The following DOCK4 variants were observed in gnomAD, a reference collection of about 807,000 sequenced individuals.
DOCK4 encodes the protein dedicator of cytokinesis protein 4.
In DOCK4, 97 loss-of-function variants were observed where a neutral mutation model predicts 268.1. The observed-to-expected ratio is 0.36, with a 90% CI of 0.31 to 0.43. The LOEUF (loss-of-function observed/expected upper bound fraction) is 0.43, where lower values mean the gene tolerates loss of function less well. Among genes scored for constraint, DOCK4 ranks in the 20% least tolerant of loss-of-function variants. The pLI, the probability that DOCK4 is intolerant of heterozygous loss-of-function variation, is 1.00. For synonymous variants in DOCK4, 954 were observed against 887.2 expected (o/e 1.08, Z -1.34); for missense variants, 2,145 against 2,455.7 (o/e 0.87, Z 2.67).
At chr7:112,091,437 C>A (rs149457771) in intron 1 of DOCK4, among the ~76,000 whole-genome samples, 2 of 152,214 alleles carry the variant, frequency 1.3e-5, no homozygotes, top group Non-Finnish European at 2.9e-5. Context: ...CACCTAAGGT[C>A]TCTCTGAATT....
At chr7:111,729,792 C>T (rs1052020850) in intron 52 of DOCK4, among the ~76,000 whole-genome samples, 2 of 152,216 alleles carry the variant, frequency 1.3e-5, no homozygotes, top group Non-Finnish European at 2.9e-5. Context: ...AGGTTCTGCA[C>T]CTGATTTCTC....
At chr7:111,951,639 A>T (rs1383424383) in intron 8 of DOCK4, among the ~76,000 whole-genome samples, 1 of 146,408 alleles carries the variant, frequency 6.8e-6, no homozygotes, top group African/African-American at 2.6e-5. Flanking sequence ...TGGAAACCCC[A>T]TCGCTACCAA....
At chr7:111,748,314 GAC>G (rs1796410449) in intron 42 of DOCK4, among the ~76,000 whole-genome samples, 2 of 152,060 alleles carry the variant, frequency 1.3e-5, no homozygotes, top group South Asian at 4.1e-4. Context: ...ATTCATCAAA[GAC>G]AAAGAGAAGG....
chr7:112,164,642 A>G (rs1817428839), intron 1 of DOCK4, among the ~76,000 whole-genome samples: 1 of 152,228 alleles, frequency 6.6e-6, no homozygotes, highest in African/African-American at 2.4e-5. Context: ...AATTAGTCAG[A>G]GAGCCTGTTT....
At chr7:111,820,561 C>T (rs7780592) in intron 27 of DOCK4, 1 of 152,176 alleles carries the variant, frequency 6.6e-6, no homozygotes, top group Non-Finnish European at 1.5e-5. Flanking sequence ...TCTCAGACTG[C>T]TATCCATTTG....
intron 1 of DOCK4, among the ~76,000 whole-genome samples, chr7:112,113,726 C>T (rs1811866031): frequency 7.9e-6 from 1 of 126,406 alleles, no homozygotes; most frequent in African/African-American, 2.9e-5. Context: ...CACCACCATA[C>T]TTGGCTGATT....
chr7:112,066,704 T>TATAC (rs1563052319), intron 1 of DOCK4, among the ~76,000 whole-genome samples: 2 of 52,082 alleles, frequency 3.8e-5, no homozygotes, highest in African/African-American at 1.3e-4. Context: ...TATATATATA[T>TATAC]ATATATATAT....
At chr7:111,857,200 A>G (rs1045519644) in intron 23 of DOCK4, among the ~76,000 whole-genome samples, 1 of 152,196 alleles carries the variant, frequency 6.6e-6, no homozygotes, top group Non-Finnish European at 1.5e-5. Flanking sequence ...CCTATCAAAC[A>G]TCCTTTCTTT....
chr7:112,042,718 T>C (rs1015293480), intron 1 of DOCK4, among the ~76,000 whole-genome samples: 1 of 152,224 alleles, frequency 6.6e-6, no homozygotes, highest in Non-Finnish European at 1.5e-5. Flanking sequence ...ACTTAGCATG[T>C]CGGGCAGTGC....
intron 1 of DOCK4, among the ~76,000 whole-genome samples, chr7:112,018,190 C>A (rs1802023559): frequency 3.0e-5 from 3 of 101,638 alleles, no homozygotes; most frequent in African/African-American, 7.1e-5. Context: ...ACACAGGCAA[C>A]CAGTATTCAT....
chr7:111,778,245 C>T (rs1190017898), intron 36 of DOCK4, 31 bp downstream of exon 36: 1 of 1,491,068 alleles, frequency 6.7e-7, no homozygotes, highest in Non-Finnish European at 9.3e-7. Context: ...CATCAGCTCC[C>T]TTCCCAATCT....
intron 1 of DOCK4, among the ~76,000 whole-genome samples, chr7:112,167,250 G>A (rs1314042476): frequency 6.6e-6 from 1 of 152,084 alleles, no homozygotes; most frequent in Non-Finnish European, 1.5e-5. Flanking sequence ...AATTGATGTT[G>A]ATGCCAGGAA....
chr7:112,167,289 G>A (rs1404265834), intron 1 of DOCK4, among the ~76,000 whole-genome samples: 1 of 152,120 alleles, frequency 6.6e-6, no homozygotes, highest in Non-Finnish European at 1.5e-5. Context: ...TTTGCAAGTG[G>A]AACAGAAAAA....
At position 111,753,528 on chromosome 7, in the gene DOCK4, C is replaced by T. The variant is rs372818016; in HGVS notation, c.4416+1987G>A. Among the ~76,000 whole-genome samples, 4 of 152,272 alleles carry T rather than the reference C, an allele frequency of 2.6e-5. No individual in the cohort carries two copies. In the East Asian group the frequency reaches 5.8e-4, roughly 22 times the overall value. The stretch of plus-strand genomic sequence containing the variant: ...ACAGTGAAACACATGAACATTCACA[C>T]TAAGTGAAATAAAGTTAATAAATGG... On this transcript the variant is annotated intron_variant, in intron 42 of 52. Coordinates refer to ENST00000428084, the MANE Select transcript of DOCK4 (RefSeq NM_001363540.2).
In DOCK4 at chr7:111,850,378, C is replaced by G. The variant is rs1804448900; in HGVS notation, c.2474-3252G>C. On this transcript the variant is annotated intron_variant, in intron 23 of 52. Transcript: ENST00000428084. Reference sequence around the variant, plus strand: ...TCTGTTCCTTGGCTATGAAGTCCCACTTACCCATGCTACATTAGAAATTCA... The same window carrying G: ...TCTGTTCCTTGGCTATGAAGTCCCAGTTACCCATGCTACATTAGAAATTCA... 2.0e-5 allele frequency among the ~76,000 whole-genome samples: 3 copies of G among 152,048 alleles called. No individual in the cohort carries two copies. The South Asian group carries it at 6.2e-4, about 32-fold the overall frequency.
chr7:112,104,140 A>G (rs1327008203), intron 1 of DOCK4, among the ~76,000 whole-genome samples: 7 of 152,146 alleles, frequency 4.6e-5, no homozygotes, highest in Non-Finnish European at 8.8e-5. Context: ...ACACAGAAAG[A>G]TCTCTTTTTG....
At chr7:112,102,988 A>G (rs1393466688) in intron 1 of DOCK4, among the ~76,000 whole-genome samples, 1 of 152,218 alleles carries the variant, frequency 6.6e-6, no homozygotes, top group Non-Finnish European at 1.5e-5. Flanking sequence ...TAAGAAGTTT[A>G]AAAAATGTTT....
chr7:111,793,901 AG>A, intron 30 of DOCK4, among the ~76,000 whole-genome samples: 1 of 152,122 alleles, frequency 6.6e-6, no homozygotes, highest in Non-Finnish European at 1.5e-5. Context: ...TCAGAAGTTC[AG>A]TGTGGCAGGG....
intron 1 of DOCK4, among the ~76,000 whole-genome samples, chr7:112,117,997 C>G (rs928034017): frequency 6.6e-6 from 1 of 152,120 alleles, no homozygotes; most frequent in African/African-American, 2.4e-5. Context: ...TGGCCTCCTC[C>G]TCCAGAGCCA....
Sources: allele counts gnomAD v4.1 joint callset (sites outside exome capture counted in the v4.1 genomes callset), GRCh38; gene constraint gnomAD v4.1.1; transcripts MANE v1.5; gene names NCBI Gene and HGNC (gene_info 2026-07-23, HGNC 2026-07-21).